Variants in LPIN1 observed in about 807,000 individuals in gnomAD.
LPIN1 encodes the protein phosphatidate phosphatase LPIN1.
In LPIN1, 71 loss-of-function variants were observed where a neutral mutation model predicts 107.5. That is an observed-to-expected ratio of 0.66 (90% CI 0.55 to 0.80). The LOEUF (loss-of-function observed/expected upper bound fraction) is 0.80. LPIN1 is among the 30% of genes least tolerant of loss of function. The pLI is 0.00. For missense variants in LPIN1, 1,043 were observed against 1,160.6 expected, an observed-to-expected ratio of 0.90 and a Z score of 1.47; for synonymous variants, 445 against 452.6, an observed-to-expected ratio of 0.98 and a Z score of 0.21.
chr2:11,721,154 G>A (rs1233180024), upstream of LPIN1, among the ~76,000 whole-genome samples: 2 of 152,078 alleles, frequency 1.3e-5, no homozygotes, highest in Non-Finnish European at 2.9e-5. Context: ...TTAAAATCAG[G>A]TGAATTCGCA....
chr2:11,777,614 G>C (rs1243647646), intron 6 of LPIN1: 4 of 152,194 alleles, frequency 2.6e-5, no homozygotes, highest in African/African-American at 9.7e-5. Context: ...CATACTGGCT[G>C]TGGCTGCTTT....
intron 2 of LPIN1, among the ~76,000 whole-genome samples, chr2:11,715,002 T>C (rs1040864366): frequency 2.0e-5 from 3 of 152,344 alleles, no homozygotes; most frequent in South Asian, 4.1e-4. Flanking sequence ...GCAGAAGTTT[T>C]ATTTCCAAGG....
Position 11,803,911 on chromosome 2 carries a change from T to C in LPIN1, c.2014-512T>C, listed in dbSNP as rs74803038. ...ACTATATTCTTCTGGATATGAGGCA[T>C]GACTGATAACCAAGACTTCTCTTTT... On this transcript the variant is annotated intron_variant, in intron 15 of 20. Transcript: ENST00000674199. The surrounding 1 kb of genome is among the most constrained non-coding windows in gnomAD (Gnocchi z 4.2). 6.2e-3 allele frequency among the ~76,000 whole-genome samples: 938 copies of C among 152,360 alleles called. 7 individuals carry two copies. The highest frequency in any genetic ancestry group is 0.021 in the African/African-American group (883 of 41,584).
intron 16 of LPIN1, among the ~76,000 whole-genome samples, chr2:11,804,815 C>A (rs886620561): frequency 6.6e-6 from 1 of 152,096 alleles, no homozygotes; most frequent in African/African-American, 2.4e-5. Context: ...TTCTCAAGAA[C>A]GTCTTTTTGA....
chr2:11,816,952 T>A (rs1203182718), intron 18 of LPIN1: 1 of 151,782 alleles, frequency 6.6e-6, no homozygotes, highest in South Asian at 2.1e-4. Context: ...GTGTGTGATG[T>A]TCCCCTCCCT....
Position 11,774,429 on chromosome 2 carries a change from T to G in LPIN1, c.722+684T>G, listed in dbSNP as rs1334733372. Among the ~76,000 whole-genome samples the G allele has an allele frequency of 1.3e-5, 2 of 152,202 alleles. No homozygotes were observed. Among genetic ancestry groups the G allele is most frequent in the Non-Finnish European group, 2.9e-5 (2 of 68,030 alleles). ...TTCATTCTTGGGTGGTGACAAAATC[T>G]TAGACGTTATAATGGTTTGTGGTCT... On this transcript the variant is annotated intron_variant, in intron 5 of 20. Coordinates refer to ENST00000674199, the MANE Select transcript of LPIN1 (RefSeq NM_001349206.2). This position sits in a 1 kb window ranked among gnomAD's most constrained non-coding sequence, Gnocchi z 4.4.
At chr2:11,706,175 G>A (rs1161037621) in intron 1 of LPIN1, among the ~76,000 whole-genome samples, 11 of 152,284 alleles carry the variant, frequency 7.2e-5, no homozygotes. Context: ...CCAGTCTTGG[G>A]TATGTCTTTA....
chr2:11,758,133 G>A (rs995477421), intron 1 of LPIN1, among the ~76,000 whole-genome samples: 3 of 152,198 alleles, frequency 2.0e-5, no homozygotes, highest in Non-Finnish European at 2.9e-5. Flanking sequence ...AATAGTCCAT[G>A]ATATGGATGG....
At chr2:11,778,384 A>AC (rs1282745421) in intron 6 of LPIN1, among the ~76,000 whole-genome samples, 2 of 152,356 alleles carry the variant, frequency 1.3e-5, no homozygotes, top group East Asian at 3.9e-4. Context: ...GAGAGATGGC[A>AC]CTTGGTCTGG....
At chr2:11,678,224 G>A (rs1558707762) in intron 1 of LPIN1, among the ~76,000 whole-genome samples, 2 of 152,202 alleles carry the variant, frequency 1.3e-5, no homozygotes. Flanking sequence ...GCCAGCGGCT[G>A]TCCCTACTGC....
At chr2:11,815,613 G>A (rs1680444270) in intron 18 of LPIN1, among the ~76,000 whole-genome samples, 1 of 151,974 alleles carries the variant, frequency 6.6e-6, no homozygotes, top group Non-Finnish European at 1.5e-5. Context: ...ATCTCTTCTT[G>A]AGTGGCCTGG....
intron 1 of LPIN1, among the ~76,000 whole-genome samples, chr2:11,691,118 C>G (rs371884513): frequency 1.3e-5 from 2 of 149,428 alleles, no homozygotes; most frequent in African/African-American, 5.0e-5. Flanking sequence ...TTTAATACCC[C>G]TCACACCAAC....
chr2:11,808,870 CAAAA>C (rs1205659703), intron 17 of LPIN1, among the ~76,000 whole-genome samples: 1 of 74,084 alleles, frequency 1.3e-5, no homozygotes, highest in African/African-American at 4.6e-5. Flanking sequence ...GACACCATCT[CAAAA>C]AAAAAAAAAA....
At chr2:11,772,934 C>CT (rs1451687319) in intron 4 of LPIN1, among the ~76,000 whole-genome samples, 1 of 27,114 alleles carries the variant, frequency 3.7e-5, no homozygotes, top group East Asian at 3.1e-4. Context: ...ACTACAGCCT[C>CT]TATCTAACCT....
chr2:11,753,708 T>G (rs1481225997), intron 1 of LPIN1, among the ~76,000 whole-genome samples: 1 of 152,214 alleles, frequency 6.6e-6, no homozygotes, highest in Non-Finnish European at 1.5e-5. Context: ...TAAGTATCAG[T>G]CCACAATGCT....
chr2:11,748,792 G>C (rs1667355841), intron 1 of LPIN1, among the ~76,000 whole-genome samples: 1 of 152,224 alleles, frequency 6.6e-6, no homozygotes, highest in Non-Finnish European at 1.5e-5. Context: ...GGGGGTAGTC[G>C]AGGGGTACAG....
chr2:11,693,817 TATATA>T (rs550630076), intron 1 of LPIN1, among the ~76,000 whole-genome samples: 355 of 32,372 alleles, frequency 0.011, 9 homozygotes, highest in Middle Eastern at 0.026. Flanking sequence ...TATATATATA[TATATA>T]TTTTTTTTTT....
At chr2:11,758,070 G>T (rs568714171) in intron 1 of LPIN1, among the ~76,000 whole-genome samples, 3 of 151,748 alleles carry the variant, frequency 2.0e-5, no homozygotes, top group Non-Finnish European at 4.4e-5. Context: ...TGTCCTCAAG[G>T]TTCATCTACA....
Position 11,782,193 on chromosome 2 carries a change from T to C in LPIN1, c.958-8T>C, listed in dbSNP as rs759169165. The stretch of plus-strand genomic sequence containing the variant: ...TCTCTCTCTGTCCCTCTCTCCTCTT[T>C]GCTCTAGTCTTCTTCTCCACACAAG... On this transcript the variant is annotated splice_polypyrimidine_tract_variant and splice_region_variant and intron_variant, in intron 7 of 20. Coordinates refer to ENST00000674199, the MANE Select transcript of LPIN1 (RefSeq NM_001349206.2). 5.0e-6 allele frequency: 8 copies of C among 1,610,384 alleles called. No individual in the cohort carries two copies. The South Asian group carries it at 6.6e-5, about 13-fold the overall frequency.
Sources: allele counts gnomAD v4.1 joint callset (sites outside exome capture counted in the v4.1 genomes callset), GRCh38; gene constraint gnomAD v4.1.1; non-coding constraint Gnocchi (gnomAD v3.1); transcripts MANE v1.5; gene names NCBI Gene and HGNC (gene_info 2026-07-23, HGNC 2026-07-21).